The following FBXO21 variants were observed in gnomAD, a reference collection of about 807,000 sequenced individuals.
FBXO21 encodes F-box protein 21, also known as F-box only protein 21.
A neutral mutation model predicts 76.6 loss-of-function variants in FBXO21; 32 were observed. The observed-to-expected ratio is 0.42, with a 90% CI of 0.32 to 0.56. The LOEUF is 0.56. FBXO21 is among the 20% of genes least tolerant of loss of function. FBXO21 has a pLI of 0.16. For synonymous variants in FBXO21, 328 were observed against 311.5 expected (o/e 1.05, Z -0.56); for missense variants, 586 against 797.3 (o/e 0.73, Z 3.19).
chr12:117,162,898 T>C (rs1955999918), intron 9 of FBXO21, among the ~76,000 whole-genome samples: 1 of 152,224 alleles, frequency 6.6e-6, no homozygotes, highest in South Asian at 2.1e-4. Flanking sequence ...CGTACTTTTC[T>C]GCCCTCTGAA....
intron 1 of FBXO21, among the ~76,000 whole-genome samples, chr12:117,189,784 C>T (rs1193898720): frequency 2.0e-5 from 3 of 152,154 alleles, no homozygotes; most frequent in Non-Finnish European, 4.4e-5. Context: ...TCGCTCCCCC[C>T]AAGGTCACAG....
At chr12:117,186,096 C>T (rs748244197) in intron 3 of FBXO21, among the ~76,000 whole-genome samples, 6 of 152,138 alleles carry the variant, frequency 3.9e-5, no homozygotes, top group Non-Finnish European at 5.9e-5. Flanking sequence ...AGGCTGGTCG[C>T]GAACTCCTGA....
intron 3 of FBXO21, among the ~76,000 whole-genome samples, chr12:117,184,002 C>T (rs1411474296): frequency 3.3e-5 from 5 of 151,856 alleles, no homozygotes; most frequent in Non-Finnish European, 2.9e-5. Context: ...TTATCCTCTG[C>T]TACTGATGCA....
chr12:117,174,810 A>C lies in FBXO21; in HGVS notation c.593-13T>G. 2 of 1,606,750 alleles carry C rather than the reference A, an allele frequency of 1.2e-6. No individual in the cohort carries two copies. The highest frequency in any genetic ancestry group is 1.7e-6 in the Non-Finnish European group (2 of 1,175,954). ...ATATATACAGCACCTGAAAATGAAC[A>C]AGAATTACCGAATAAATTCTCACGT... On this transcript the variant is annotated splice_polypyrimidine_tract_variant and intron_variant, in intron 4 of 11. Coordinates refer to ENST00000622495, the MANE Select transcript of FBXO21 (RefSeq NM_015002.3).
Position 117,147,736 on chromosome 12 carries a change from G to A in FBXO21, c.1676-1459C>T, listed in dbSNP as rs990916548. 3.3e-5 allele frequency among the ~76,000 whole-genome samples: 5 copies of A among 151,982 alleles called. No homozygotes were observed. In the South Asian group the frequency reaches 6.2e-4, roughly 19 times the overall value. On this transcript the variant is annotated intron_variant, in intron 11 of 11. Transcript: ENST00000622495. The stretch of plus-strand genomic sequence containing the variant: ...GGTGCTTTGTGCGCCCTTCTTTGCC[G>A]CCCACGGAGGCCTGGCCTAAGACTG...
chr12:117,161,149 C>T (rs1033618691), intron 9 of FBXO21, among the ~76,000 whole-genome samples: 1 of 152,046 alleles, frequency 6.6e-6, no homozygotes, highest in Non-Finnish European at 1.5e-5. Flanking sequence ...AAAACATGAC[C>T]TGGCCGCACA....
chr12:117,184,857 A>T (rs536042903), intron 3 of FBXO21, among the ~76,000 whole-genome samples: 3 of 152,386 alleles, frequency 2.0e-5, no homozygotes, highest in Admixed American at 6.5e-5. Flanking sequence ...GATTTCCATA[A>T]GGTACTGTTG....
At chr12:117,189,447 C>T (rs1400594188) in intron 1 of FBXO21, 85 bp from the exon 2 acceptor site, 2 of 1,502,184 alleles carry the variant, frequency 1.3e-6, no homozygotes, top group Non-Finnish European at 1.8e-6. Flanking sequence ...GAAACAGGGA[C>T]AGCAGTGGCG....
rs1482461101 is a variant in FBXO21, at chr12:117,150,997, TG to T, written c.1676-4721del. 6.0e-5 allele frequency among the ~76,000 whole-genome samples: 8 copies of T among 133,174 alleles called. 1 individual carries two copies. The highest frequency in any genetic ancestry group is 2.3e-4 in the African/African-American group (8 of 35,146). 87.4% of individuals were successfully genotyped at this position (133,174 alleles called of 152,430 possible). A position where few individuals can be genotyped will look rare whatever the true frequency, so the allele number is the denominator to read the frequency against. On this transcript the variant is annotated intron_variant, in intron 11 of 11. Transcript: ENST00000622495. ...GTGTGTGTGTGTGTGTGTGTGTGTG[TG>T]TGTGTCGGGCGGGGAGGACTGTATG... is the stretch of plus-strand genomic sequence containing the variant.
chr12:117,188,973 G>T lies in FBXO21; in HGVS notation c.375+254C>A, dbSNP rs143573251. The T allele has an allele frequency of 2.3e-4, 117 of 501,998 alleles. No individual in the cohort carries two copies. In the South Asian group the frequency reaches 2.4e-3, roughly 10 times the overall value. 31.1% of individuals were successfully genotyped at this position (501,998 alleles called of 1,614,324 possible). A position where few individuals can be genotyped will look rare whatever the true frequency, so the allele number is the denominator to read the frequency against. On this transcript the variant is annotated intron_variant, in intron 2 of 11. Transcript: ENST00000622495. ...CTGGACTCCGTCTACATTGTGCTGC[G>T]TGGGTCCCTCCCTGCTCCCTCCACC...
In FBXO21 at chr12:117,144,070, A is replaced by G. The variant is rs950240618; in HGVS notation, c.*2017T>C. 11 of 152,656 alleles carry G rather than the reference A, an allele frequency of 7.2e-5. No homozygotes were observed. The highest frequency in any genetic ancestry group is 1.5e-4 in the Non-Finnish European group (10 of 68,044). The allele number at this position is 152,656 out of a possible 1,614,324, so 9.5% of individuals were successfully genotyped here. On this transcript the variant is annotated 3_prime_UTR_variant, in exon 12 of 12. Transcript: ENST00000622495. ...CTTCCTGGAGCCCCATGAAGCATTC[A>G]TGAAGAAAGACATTTAAAAACAGTC...
chr12:117,165,432 T>TAGGA, intron 9 of FBXO21, 53 bp downstream of exon 9: 1 of 1,575,002 alleles, frequency 6.3e-7, no homozygotes, highest in Non-Finnish European at 8.7e-7. Context: ...CACCCTTCAA[T>TAGGA]CTAGGACTTC....
At chr12:117,188,396 T>A (rs1034431539) in intron 2 of FBXO21, among the ~76,000 whole-genome samples, 2 of 151,962 alleles carry the variant, frequency 1.3e-5, no homozygotes, top group African/African-American at 4.8e-5. Flanking sequence ...AATACAAAAA[T>A]TATCCAGGTA....
intron 3 of FBXO21, among the ~76,000 whole-genome samples, chr12:117,182,511 G>A (rs1356790901): frequency 6.6e-5 from 10 of 151,036 alleles, no homozygotes; most frequent in Admixed American, 3.3e-4. Context: ...AGGGCTGGGC[G>A]TGGTGGCTCA....
At chr12:117,180,479 G>A (rs986998750) in intron 3 of FBXO21, among the ~76,000 whole-genome samples, 1 of 152,142 alleles carries the variant, frequency 6.6e-6, no homozygotes. Context: ...TTATATCTAT[G>A]TCTTCTTTAT....
At chr12:117,171,360 A>C in intron 7 of FBXO21, among the ~76,000 whole-genome samples, 1 of 149,482 alleles carries the variant, frequency 6.7e-6, no homozygotes, top group African/African-American at 2.4e-5. Flanking sequence ...CCTGTCTCAA[A>C]AAAAAAAAAA....
chr12:117,154,686 C>G (rs1481758178), intron 11 of FBXO21, among the ~76,000 whole-genome samples: 1 of 152,196 alleles, frequency 6.6e-6, no homozygotes, highest in Non-Finnish European at 1.5e-5. Flanking sequence ...GTCTCCAACT[C>G]CTGAGCTCAA....
chr12:117,151,780 C>T (rs914866453), intron 11 of FBXO21, among the ~76,000 whole-genome samples: 3 of 151,954 alleles, frequency 2.0e-5, no homozygotes, highest in African/African-American at 7.3e-5. Flanking sequence ...AGGAAGAAGG[C>T]GGCTCTTGTT....
chr12:117,187,087 G>A (rs142657526), intron 2 of FBXO21, among the ~76,000 whole-genome samples: 376 of 152,054 alleles, frequency 2.5e-3, no homozygotes, highest in Non-Finnish European at 4.4e-3. Flanking sequence ...TTGCACTCCA[G>A]CCTGGGCAAC....
Sources: allele counts gnomAD v4.1 joint callset (sites outside exome capture counted in the v4.1 genomes callset), GRCh38; gene constraint gnomAD v4.1.1; transcripts MANE v1.5; gene names NCBI Gene and HGNC (gene_info 2026-07-23, HGNC 2026-07-21).